Variants in GALNT17 observed in about 807,000 individuals in gnomAD.
GALNT17 encodes polypeptide N-acetylgalactosaminyltransferase 17, also known as UDP-GalNAc:polypeptide N-acetylgalactosaminyltransferase-like 3.
Under a neutral mutation model 63.7 loss-of-function variants are expected in GALNT17, and 29 were observed. The observed-to-expected ratio is 0.46, with a 90% CI of 0.34 to 0.62. The LOEUF (loss-of-function observed/expected upper bound fraction) is 0.62, where lower values mean the gene tolerates loss of function less well. GALNT17 is among the 20% of genes least tolerant of loss of function. The pLI is 0.01. For missense variants in GALNT17, 603 were observed against 799.6 expected, an observed-to-expected ratio of 0.75 and a Z score of 2.97; for synonymous variants, 305 against 318.3, an observed-to-expected ratio of 0.96 and a Z score of 0.45.
chr7:71,275,919 G>A (rs1227434257), intron 1 of GALNT17, among the ~76,000 whole-genome samples: 1 of 152,130 alleles, frequency 6.6e-6, no homozygotes, highest in African/African-American at 2.4e-5. Flanking sequence ...TGAACTATGC[G>A]ATGGGCTCCT....
intron 6 of GALNT17, among the ~76,000 whole-genome samples, chr7:71,590,993 T>A (rs887791381): frequency 6.6e-6 from 1 of 152,174 alleles, no homozygotes; most frequent in African/African-American, 2.4e-5. Flanking sequence ...ACTCTTGACC[T>A]CAGGTGATCC....
intron 1 of GALNT17, among the ~76,000 whole-genome samples, chr7:71,312,294 G>A (rs1221217669): frequency 6.6e-6 from 1 of 152,060 alleles, no homozygotes; most frequent in Non-Finnish European, 1.5e-5. Flanking sequence ...TTTCTTCCTG[G>A]GCAAAGCCAA....
chr7:71,200,274 G>A (rs1789142305), intron 1 of GALNT17, among the ~76,000 whole-genome samples: 1 of 152,182 alleles, frequency 6.6e-6, no homozygotes. Context: ...CGTGCAAGAT[G>A]TTTGTAGATG....
intron 6 of GALNT17, among the ~76,000 whole-genome samples, chr7:71,649,369 T>C (rs1446090153): frequency 6.6e-6 from 1 of 152,154 alleles, no homozygotes; most frequent in Non-Finnish European, 1.5e-5. Flanking sequence ...AGATCATTGG[T>C]CAGCCAAATG....
chr7:71,592,544 A>AATAAAATAAAATAGCACAGC (rs11267770), intron 6 of GALNT17, among the ~76,000 whole-genome samples: 2 of 115,366 alleles, frequency 1.7e-5, no homozygotes, highest in Non-Finnish European at 3.5e-5. Flanking sequence ...AATAAAATAA[A>AATAAAATAAAATAGCACAGC]ATAGCATAGC....
chr7:71,454,016 A>G (rs1231818120), intron 5 of GALNT17, among the ~76,000 whole-genome samples: 1 of 152,260 alleles, frequency 6.6e-6, no homozygotes, highest in African/African-American at 2.4e-5. Context: ...ACACTATGAT[A>G]TCAAAAGCTC....
At chr7:71,271,545 C>T (rs1209374008) in intron 1 of GALNT17, among the ~76,000 whole-genome samples, 3 of 152,220 alleles carry the variant, frequency 2.0e-5, no homozygotes, top group Non-Finnish European at 4.4e-5. Context: ...TAAAAAATCT[C>T]TGGCACTCAT....
chr7:71,652,920 C>T (rs1005050447), intron 6 of GALNT17, among the ~76,000 whole-genome samples: 4 of 152,330 alleles, frequency 2.6e-5, no homozygotes, highest in Admixed American at 2.0e-4. Context: ...GCAGTTATTG[C>T]AGGGCGCCCA....
intron 1 of GALNT17, among the ~76,000 whole-genome samples, chr7:71,164,651 C>T (rs184615941): frequency 3.2e-4 from 48 of 152,210 alleles, no homozygotes; most frequent in Admixed American, 8.5e-4. Flanking sequence ...AAGGGGGAAG[C>T]GACCACAGAA....
intron 1 of GALNT17, among the ~76,000 whole-genome samples, chr7:71,188,720 G>A (rs1241130286): frequency 6.6e-6 from 1 of 152,114 alleles, no homozygotes; most frequent in Non-Finnish European, 1.5e-5. Flanking sequence ...CTGTGCAAAA[G>A]CTCTTTAGTT....
In GALNT17 at chr7:71,561,254, C is replaced by T. The variant is rs182883583; in HGVS notation, c.963-10031C>T. On this transcript the variant is annotated intron_variant, in intron 5 of 10. Transcript: ENST00000333538. ...TCTTGAACTCTGACCTCAGGTGATC[C>T]GCCCACCTCGGCCTCCCAAAGTGCT... 2.8e-3 allele frequency among the ~76,000 whole-genome samples: 426 copies of T among 152,242 alleles called. 11 individuals carry two copies. The highest frequency in any genetic ancestry group is 0.025 in the Admixed American group (386 of 15,294).
rs528910122 is a variant in GALNT17 at position 71,159,371 on chromosome 7, A to G, written c.238+26331A>G. Among the ~76,000 whole-genome samples the G allele has an allele frequency of 7.3e-5, 11 of 151,608 alleles. No homozygotes were observed. In the South Asian group the frequency reaches 8.3e-4, roughly 11 times the overall value. Reference sequence around the variant, plus strand: ...GGTATGATAAGCCGAAGCTTTCTATATTTTATGAATTTTGCCAGATCTTTT... The same window carrying G: ...GGTATGATAAGCCGAAGCTTTCTATGTTTTATGAATTTTGCCAGATCTTTT... On this transcript the variant is annotated intron_variant, in intron 1 of 10. Coordinates refer to ENST00000333538, the MANE Select transcript of GALNT17 (RefSeq NM_022479.3).
chr7:71,264,021 A>G (rs576425260), intron 1 of GALNT17, among the ~76,000 whole-genome samples: 1 of 152,288 alleles, frequency 6.6e-6, no homozygotes, highest in African/African-American at 2.4e-5. Flanking sequence ...CCTAGGTGAT[A>G]CTGCTGGTCT....
At chr7:71,567,255 G>C (rs1357399263) in intron 5 of GALNT17, among the ~76,000 whole-genome samples, 2 of 152,066 alleles carry the variant, frequency 1.3e-5, no homozygotes, top group African/African-American at 4.8e-5. Context: ...CTTTCCCCTG[G>C]CATAGTCCAG....
At chr7:71,570,578 C>A (rs1331796131) in intron 5 of GALNT17, among the ~76,000 whole-genome samples, 1 of 152,148 alleles carries the variant, frequency 6.6e-6, no homozygotes, top group African/African-American at 2.4e-5. Context: ...CAACAGAGTG[C>A]AGCAGGGACC....
intron 1 of GALNT17, among the ~76,000 whole-genome samples, chr7:71,210,369 T>A (rs2116390715): frequency 6.6e-6 from 1 of 152,196 alleles, no homozygotes; most frequent in African/African-American, 2.4e-5. Flanking sequence ...ACTCCTGAGC[T>A]CAGGTGATTC....
At chr7:71,445,838 C>G (rs1787152083) in intron 5 of GALNT17, among the ~76,000 whole-genome samples, 2 of 151,716 alleles carry the variant, frequency 1.3e-5, no homozygotes, top group African/African-American at 4.8e-5. Context: ...GCACACTCAG[C>G]TTTAGCTGTG....
intron 1 of GALNT17, among the ~76,000 whole-genome samples, chr7:71,299,852 G>A (rs954963193): frequency 6.6e-5 from 10 of 151,828 alleles, no homozygotes; most frequent in African/African-American, 2.4e-4. Context: ...TGCAACCTCC[G>A]CCTCCCGGGT....
At chr7:71,184,973 TTCCTTCC>T (rs1788813677) in intron 1 of GALNT17, among the ~76,000 whole-genome samples, 1 of 115,102 alleles carries the variant, frequency 8.7e-6, no homozygotes. Flanking sequence ...CCTTCCTTCC[TTCCTTCC>T]TTCCTTCCTT....
Sources: allele counts gnomAD v4.1 joint callset (sites outside exome capture counted in the v4.1 genomes callset), GRCh38; gene constraint gnomAD v4.1.1; transcripts MANE v1.5; gene names NCBI Gene and HGNC (gene_info 2026-07-23, HGNC 2026-07-21).